Variants in TANC2 observed in about 807,000 individuals in gnomAD.
TANC2 encodes the protein tetratricopeptide repeat, ankyrin repeat and coiled-coil containing 2, also known as protein TANC2.
Under a neutral mutation model 210.5 loss-of-function variants are expected in TANC2, and 26 were observed. That is an observed-to-expected ratio of 0.12 (90% CI 0.09 to 0.17). The LOEUF is 0.17. TANC2 is among the 10% of genes least tolerant of loss of function. The probability of loss-of-function intolerance (pLI) is 1.00; values close to 1 mark genes in which losing one functional copy is unlikely to be tolerated. For missense variants in TANC2, 2,129 were observed against 2,608.9 expected (o/e 0.82, Z 4.01); for synonymous variants, 931 against 967.1 (o/e 0.96, Z 0.69).
At chr17:63,363,812 A>G (rs982012313) in intron 14 of TANC2, among the ~76,000 whole-genome samples, 12 of 152,262 alleles carry the variant, frequency 7.9e-5, no homozygotes, top group African/African-American at 2.6e-4. Flanking sequence ...CTTGCTTAGG[A>G]TAGCTTTGGC....
chr17:63,303,825 G>A (rs562996311), intron 9 of TANC2, among the ~76,000 whole-genome samples: 5 of 150,792 alleles, frequency 3.3e-5, no homozygotes, highest in Admixed American at 1.3e-4. Flanking sequence ...TCTTGTCTGC[G>A]TGCCTTATTT....
At chr17:63,084,013 T>C (rs1370394137) in intron 3 of TANC2, among the ~76,000 whole-genome samples, 1 of 152,210 alleles carries the variant, frequency 6.6e-6, no homozygotes, top group African/African-American at 2.4e-5. Context: ...AGTTAGGAAG[T>C]AGTCCTTCTG....
At chr17:63,013,860 G>C (rs2033988600) in intron 2 of TANC2, among the ~76,000 whole-genome samples, 1 of 148,240 alleles carries the variant, frequency 6.7e-6, no homozygotes, top group Admixed American at 6.8e-5. Flanking sequence ...TCTTTTGTCA[G>C]TTTTGGAAAA....
At chr17:63,060,915 A>C (rs1280572567) in intron 2 of TANC2, among the ~76,000 whole-genome samples, 1 of 152,026 alleles carries the variant, frequency 6.6e-6, no homozygotes, top group African/African-American at 2.4e-5. Flanking sequence ...TTTCTTTATA[A>C]ATCATGTTTT....
intron 7 of TANC2, among the ~76,000 whole-genome samples, chr17:63,233,269 C>T (rs1185912441): frequency 1.4e-5 from 2 of 147,474 alleles, no homozygotes; most frequent in Non-Finnish European, 2.9e-5. Context: ...CCGCCGTAGT[C>T]TTAGGCAGTT....
intron 4 of TANC2, among the ~76,000 whole-genome samples, chr17:63,137,496 G>A (rs1261870954): frequency 6.6e-6 from 1 of 152,154 alleles, no homozygotes; most frequent in South Asian, 2.1e-4. Context: ...AAAGAATCCA[G>A]TCATTAAAGC....
chr17:63,193,405 G>A (rs1372171525), intron 5 of TANC2, among the ~76,000 whole-genome samples: 2 of 152,100 alleles, frequency 1.3e-5, no homozygotes, highest in Non-Finnish European at 2.9e-5. Flanking sequence ...TAGAGAAGTT[G>A]ATATAAATGT....
At chr17:63,058,309 G>A (rs558201087) in intron 2 of TANC2, among the ~76,000 whole-genome samples, 3 of 151,610 alleles carry the variant, frequency 2.0e-5, no homozygotes, top group Non-Finnish European at 4.4e-5. Context: ...TCTTATACAT[G>A]CCGGATTATT....
chr17:63,386,420 T>G (rs1034384452), intron 15 of TANC2, among the ~76,000 whole-genome samples: 2 of 152,150 alleles, frequency 1.3e-5, no homozygotes, highest in African/African-American at 2.4e-5. Context: ...AAATATTAAC[T>G]GATAAAATAT....
chr17:63,166,543 G>C lies in TANC2; in HGVS notation c.433+15163G>C, dbSNP rs1020070167. ...GCTTCTGCTAGGAGTCCTGAGCTCT[G>C]AAAGAAAGGTCAGAGAATTTAAGAT... On this transcript the variant is annotated intron_variant, in intron 5 of 27. Coordinates refer to ENST00000689528, the Ensembl canonical transcript of TANC2. Among the ~76,000 whole-genome samples, 5 of 152,172 alleles carry C rather than the reference G, an allele frequency of 3.3e-5. No individual in the cohort carries two copies. In the East Asian group the frequency reaches 9.6e-4, roughly 29 times the overall value.
chr17:63,411,691 G>A lies in TANC2; in HGVS notation c.3765+5G>A, dbSNP rs2048707767. The stretch of plus-strand genomic sequence containing the variant: ...TTCTATGGCGATGCTGAGGTGGTAA[G>A]TACCTTTAAACAAGCCTCAAGAGAG... On this transcript the variant is annotated splice_donor_5th_base_variant and intron_variant, in intron 22 of 27. Transcript: ENST00000689528. The A allele has an allele frequency of 1.2e-6, 2 of 1,608,484 alleles. No homozygotes were observed. Among genetic ancestry groups the A allele is most frequent in the Non-Finnish European group, 1.7e-6 (2 of 1,177,236 alleles).
intron 5 of TANC2, among the ~76,000 whole-genome samples, chr17:63,184,950 C>G (rs1414912856): frequency 1.3e-5 from 2 of 150,082 alleles, no homozygotes; most frequent in Non-Finnish European, 3.0e-5. Context: ...TCTTTTGAAA[C>G]TATCTTCTTT....
chr17:63,180,641 CCTT>C (rs1402484306), intron 5 of TANC2, among the ~76,000 whole-genome samples: 6 of 152,172 alleles, frequency 3.9e-5, no homozygotes, highest in Non-Finnish European at 8.8e-5. Flanking sequence ...CTGATTGTGT[CCTT>C]CTCTAAGAAG....
intron 5 of TANC2, among the ~76,000 whole-genome samples, chr17:63,156,206 T>C: frequency 6.6e-6 from 1 of 152,188 alleles, no homozygotes; most frequent in East Asian, 1.9e-4. Context: ...GTTTGTATTC[T>C]GCTTTATTGT....
chr17:63,121,726 A>G (rs2145137424), intron 4 of TANC2, among the ~76,000 whole-genome samples: 1 of 152,272 alleles, frequency 6.6e-6, no homozygotes, highest in South Asian at 2.1e-4. Context: ...CCCCAACATA[A>G]TACTCCTCAC....
chr17:63,368,979 C>T (rs1420813340), intron 14 of TANC2, among the ~76,000 whole-genome samples: 1 of 152,114 alleles, frequency 6.6e-6, no homozygotes, highest in East Asian at 1.9e-4. Flanking sequence ...TTTGGAAACC[C>T]ATATCTTTTT....
chr17:63,185,952 G>C (rs2040967472), intron 5 of TANC2, among the ~76,000 whole-genome samples: 1 of 151,998 alleles, frequency 6.6e-6, no homozygotes, highest in Non-Finnish European at 1.5e-5. Flanking sequence ...TTTTCTTAAT[G>C]GTTGTTGCCT....
intron 1 of TANC2, among the ~76,000 whole-genome samples, chr17:62,985,562 A>C (rs1053454724): frequency 5.9e-5 from 9 of 151,986 alleles, no homozygotes; most frequent in African/African-American, 2.2e-4. Context: ...TTCATTTTTT[A>C]AAATTATTTA....
intron 4 of TANC2, chr17:63,120,747 A>G (rs1257370224): frequency 6.9e-6 from 1 of 144,666 alleles, no homozygotes; most frequent in African/African-American, 2.6e-5. Context: ...CTGGGAAGGT[A>G]AAGTTGTAGT....
Sources: allele counts gnomAD v4.1 joint callset (sites outside exome capture counted in the v4.1 genomes callset), GRCh38; gene constraint gnomAD v4.1.1; transcripts MANE v1.5; gene names NCBI Gene and HGNC (gene_info 2026-07-23, HGNC 2026-07-21).